The following ZNF697 variants were observed in gnomAD, a reference collection of about 807,000 sequenced individuals.
The protein encoded by ZNF697 is zinc finger protein 697.
A neutral mutation model predicts 32.4 loss-of-function variants in ZNF697; 23 were observed. The observed-to-expected ratio is 0.71, with a 90% CI of 0.51 to 1.01. The LOEUF (loss-of-function observed/expected upper bound fraction) is 1.01, where lower values mean the gene tolerates loss of function less well. Among genes scored for constraint, ZNF697 ranks in the 50% least tolerant of loss-of-function variants. ZNF697 has a pLI of 0.00. For synonymous variants in ZNF697, 418 were observed against 337.2 expected (o/e 1.24, Z -2.62); for missense variants, 930 against 794.0 (o/e 1.17, Z -2.06).
At position 119,623,176 on chromosome 1, in the gene ZNF697, G is replaced by A. The variant is rs1570935279; in HGVS notation, c.1167C>T (p.Arg389=). The change falls in exon 3 of 3, where the codon CGC becomes CGT. Residue 389 remains arginine (R), a synonymous_variant. Transcript: ENST00000421812. ...TCACCAAGTCCGAGCGCCAGCTGAAGCGCTTGCCGCACTCGCCACAGCCGT... is the reference window on the plus strand; with the variant it reads ...TCACCAAGTCCGAGCGCCAGCTGAAACGCTTGCCGCACTCGCCACAGCCGT... ...KPHGCGECGK[R]FSWRSDLVKH... 1 of 1,568,398 alleles carries A rather than the reference G, an allele frequency of 6.4e-7. No individual in the cohort carries two copies. Among genetic ancestry groups the A allele is most frequent in the Non-Finnish European group, 8.7e-7 (1 of 1,153,524 alleles).
At chr1:119,630,557 C>T (rs1476948577) in intron 1 of ZNF697, among the ~76,000 whole-genome samples, 1 of 152,180 alleles carries the variant, frequency 6.6e-6, no homozygotes, top group Non-Finnish European at 1.5e-5. Context: ...TGCTCAAGAG[C>T]CTTCTAGACA....
intron 1 of ZNF697, among the ~76,000 whole-genome samples, chr1:119,642,147 CAT>C (rs2101095932): frequency 6.6e-6 from 1 of 152,254 alleles, no homozygotes. Flanking sequence ...TGATTCCAAC[CAT>C]ATGACAATCT....
chr1:119,638,277 C>G (rs587724654), intron 1 of ZNF697, among the ~76,000 whole-genome samples: 4 of 152,348 alleles, frequency 2.6e-5, no homozygotes, highest in African/African-American at 9.6e-5. Flanking sequence ...CACACTCTCA[C>G]AGTTTCCCAG....
chr1:119,623,376 C>T lies in ZNF697; in HGVS notation c.967G>A (p.Gly323Ser), dbSNP rs1354804453. The change falls in exon 3 of 3, where the codon GGC (glycine) becomes AGC (serine). Residue 323 changes from glycine (G) to serine (S), a missense_variant. By Grantham distance (56) the Gly-to-Ser change is moderately conservative (BLOSUM62 0). Transcript: ENST00000421812. Reference protein sequence around the residue: ...GEKPYPCPECGEAFSLSSHLL... With the variant: ...GEKPYPCPECSEAFSLSSHLL... Reference sequence around the variant, plus strand: ...TGCGAGCTGAGGCTGAAGGCCTCGCCGCACTCGGGGCACGGGTAGGGCTTC... The same window carrying T: ...TGCGAGCTGAGGCTGAAGGCCTCGCTGCACTCGGGGCACGGGTAGGGCTTC... 1.4e-6 allele frequency: 2 copies of T among 1,478,512 alleles called. No individual in the cohort carries two copies. Among genetic ancestry groups the T allele is most frequent in the Non-Finnish European group, 1.8e-6 (2 of 1,117,128 alleles). 91.6% of individuals were successfully genotyped at this position (1,478,512 alleles called of 1,614,324 possible).
Position 119,623,045 on chromosome 1 carries a change from C to T in ZNF697, c.1298G>A (p.Gly433Asp), listed in dbSNP as rs756376584. The T allele has an allele frequency of 2.5e-6, 4 of 1,588,948 alleles. No individual in the cohort carries two copies. Among genetic ancestry groups the T allele is most frequent in the Non-Finnish European group, 3.4e-6 (4 of 1,167,410 alleles). Residue 433 changes from glycine to aspartate, a missense_variant, in exon 3 of 3, where the codon GGT becomes GAT. By Grantham distance (94) the Gly-to-Asp change is moderately conservative. Coordinates refer to ENST00000421812, the MANE Select transcript of ZNF697 (RefSeq NM_001080470.2). ...CTCGCGGCACACGTAGGGCCGCTCA[C>T]CCGAGTGCGTGCGCTTGTGCGTGAA... ...HLFTHKRTHS[G>D]ERPYVCRECG... is the part of the protein sequence containing the mutation.
rs7552895 is a variant in ZNF697 at position 119,622,371 on chromosome 1, C to A, written c.*334G>T. ...TCGCGGCCTACCCTAGTCTATTGCC[C>A]GCCATCCTGTTCCCACCCCAGCCCA... On this transcript the variant is annotated 3_prime_UTR_variant, in exon 3 of 3. Transcript: ENST00000421812. 0.011 allele frequency: 3,080 copies of A among 271,174 alleles called. 53 individuals carry two copies. The highest frequency in any genetic ancestry group is 0.054 in the South Asian group (489 of 9,128). 16.8% of individuals were successfully genotyped at this position (271,174 alleles called of 1,614,324 possible). A position where few individuals can be genotyped will look rare whatever the true frequency, so the allele number is the denominator to read the frequency against.
chr1:119,627,210 A>G (rs1648616513), intron 1 of ZNF697, among the ~76,000 whole-genome samples: 1 of 152,210 alleles, frequency 6.6e-6, no homozygotes, highest in African/African-American at 2.4e-5. Context: ...CCAAACAGCA[A>G]GAACATGGCT....
chr1:119,638,901 A>AGTG (rs1382285571), intron 1 of ZNF697, among the ~76,000 whole-genome samples: 1 of 152,228 alleles, frequency 6.6e-6, no homozygotes, highest in East Asian at 1.9e-4. Context: ...CACGGGTTAA[A>AGTG]GTAGAAGTCT....
chr1:119,646,672 G>A (rs1005247196), intron 1 of ZNF697, among the ~76,000 whole-genome samples: 2 of 152,106 alleles, frequency 1.3e-5, no homozygotes, highest in Non-Finnish European at 1.5e-5. Flanking sequence ...TTCCTCAAAC[G>A]TATTCCACAT....
chr1:119,627,689 C>T (rs1487120332), intron 1 of ZNF697, among the ~76,000 whole-genome samples: 1 of 152,172 alleles, frequency 6.6e-6, no homozygotes, highest in African/African-American at 2.4e-5. Context: ...GAACATCAAG[C>T]CCTCTCCTTT....
intron 1 of ZNF697, among the ~76,000 whole-genome samples, chr1:119,646,312 C>T (rs980259521): frequency 7.2e-6 from 1 of 139,158 alleles, no homozygotes; most frequent in Non-Finnish European, 1.5e-5. Flanking sequence ...TAACAACAAC[C>T]CCCACTTCCA....
intron 1 of ZNF697, among the ~76,000 whole-genome samples, chr1:119,626,705 T>C (rs587664190): frequency 1.3e-5 from 2 of 152,282 alleles, no homozygotes; most frequent in African/African-American, 4.8e-5. Context: ...AAGCATCAAG[T>C]ATAGTAACTT....
chr1:119,623,326 G>A lies in ZNF697; in HGVS notation c.1017C>T (p.His339=), dbSNP rs1431616102. 7.5e-7 allele frequency: 1 copy of A among 1,328,522 alleles called. No individual in the cohort carries two copies. Among genetic ancestry groups the A allele is most frequent in the Non-Finnish European group, 9.6e-7 (1 of 1,042,088 alleles). 82.3% of individuals were successfully genotyped at this position (1,328,522 alleles called of 1,614,324 possible). A position where few individuals can be genotyped will look rare whatever the true frequency, so the allele number is the denominator to read the frequency against. Residue 339 remains histidine, a synonymous_variant, in exon 3 of 3, where the codon CAC becomes CAT. Transcript: ENST00000421812. ...CCGCCCCCGCGCCGCTGGCCGCCGCGTGCGCGCGCCGGTGGCTCAACAGAT... is the reference window on the plus strand; with the variant it reads ...CCGCCCCCGCGCCGCTGGCCGCCGCATGCGCGCGCCGGTGGCTCAACAGAT... ...SSHLLSHRRA[H]AAASGAGAAA...
At chr1:119,643,558 G>T (rs1229668833) in intron 1 of ZNF697, among the ~76,000 whole-genome samples, 1 of 152,168 alleles carries the variant, frequency 6.6e-6, no homozygotes, top group Non-Finnish European at 1.5e-5. Context: ...ATGATGTAAT[G>T]AATGCCAAAT....
intron 1 of ZNF697, among the ~76,000 whole-genome samples, chr1:119,631,259 G>A (rs1391510429): frequency 1.3e-5 from 2 of 152,238 alleles, no homozygotes; most frequent in Non-Finnish European, 2.9e-5. Context: ...TGGCACCGCG[G>A]AGGCGGTGTC....
chr1:119,642,003 T>TCG (rs1237027847), intron 1 of ZNF697, among the ~76,000 whole-genome samples: 10 of 152,186 alleles, frequency 6.6e-5, no homozygotes, highest in Non-Finnish European at 1.0e-4. Flanking sequence ...ATGCCACTAC[T>TCG]CGCTCATTAG....
intron 1 of ZNF697, among the ~76,000 whole-genome samples, chr1:119,643,516 CTACTGATCTTT>C (rs1435944452): frequency 6.6e-6 from 1 of 152,194 alleles, no homozygotes; most frequent in African/African-American, 2.4e-5. Context: ...AGACGAGAAG[CTACTGATCTTT>C]TAACCATCCC....
Position 119,623,183 on chromosome 1 carries a change from C to A in ZNF697, c.1160G>T (p.Gly387Val). Residue 387 changes from glycine to valine, a missense_variant, in exon 3 of 3, where the codon GGC becomes GTC. By Grantham distance (109) the Gly-to-Val change is moderately radical. Transcript: ENST00000421812. ...GEKPHGCGEC[G>V]KRFSWRSDLV... Reference sequence around the variant, plus strand: ...GTCCGAGCGCCAGCTGAAGCGCTTGCCGCACTCGCCACAGCCGTGCGGCTT... The same window carrying A: ...GTCCGAGCGCCAGCTGAAGCGCTTGACGCACTCGCCACAGCCGTGCGGCTT... 1 of 1,562,572 alleles carries A rather than the reference C, an allele frequency of 6.4e-7. No individual in the cohort carries two copies. The highest frequency in any genetic ancestry group is 8.7e-7 in the Non-Finnish European group (1 of 1,149,280).
At chr1:119,645,670 A>G (rs934826339) in intron 1 of ZNF697, among the ~76,000 whole-genome samples, 1 of 152,212 alleles carries the variant, frequency 6.6e-6, no homozygotes, top group African/African-American at 2.4e-5. Context: ...GTAGGTAGGC[A>G]CTGAATTGTG....
Sources: gnomAD v4.1 joint callset for allele counts (sites outside exome capture counted in the v4.1 genomes callset) on GRCh38, gnomAD v4.1.1 for gene constraint, MANE v1.5 for transcripts, NCBI Gene and HGNC (gene_info 2026-07-23, HGNC 2026-07-21) for gene names.